Variants in GRM8 observed in about 807,000 individuals in gnomAD.
GRM8 encodes the protein glutamate metabotropic receptor 8, also known as metabotropic glutamate receptor 8.
A neutral mutation model predicts 87.2 loss-of-function variants in GRM8; 47 were observed. The observed-to-expected ratio is 0.54, with a 90% confidence interval of 0.43 to 0.69. The LOEUF is 0.69. GRM8 is among the 30% of genes least tolerant of loss of function. The pLI is 0.00. For missense variants in GRM8, 1,019 were observed against 1,139.2 expected (o/e 0.89, Z 1.52); for synonymous variants, 396 against 404.5 (o/e 0.98, Z 0.25).
At chr7:126,838,520 G>A (rs904204922) in intron 6 of GRM8, among the ~76,000 whole-genome samples, 9 of 152,104 alleles carry the variant, frequency 5.9e-5, no homozygotes, top group African/African-American at 1.9e-4. Flanking sequence ...TTTATCAAGG[G>A]GAAAGTGTTT....
intron 7 of GRM8, among the ~76,000 whole-genome samples, chr7:126,669,510 A>C (rs1472565929): frequency 1.3e-5 from 2 of 152,196 alleles, no homozygotes; most frequent in African/African-American, 2.4e-5. Context: ...CTATTAGTAA[A>C]ATGCAGGTCA....
intron 3 of GRM8, among the ~76,000 whole-genome samples, chr7:126,938,349 T>G (rs1806554831): frequency 6.6e-6 from 1 of 152,160 alleles, no homozygotes; most frequent in Non-Finnish European, 1.5e-5. Flanking sequence ...CTACCCTCCC[T>G]GAAATGCCTT....
chr7:126,885,829 A>ATT (rs1224136346), intron 6 of GRM8, among the ~76,000 whole-genome samples: 4 of 152,190 alleles, frequency 2.6e-5, no homozygotes, highest in Non-Finnish European at 5.9e-5. Flanking sequence ...TTCCTGAAAT[A>ATT]AAAACAGGAA....
intron 9 of GRM8, among the ~76,000 whole-genome samples, chr7:126,475,498 C>A (rs1032038167): frequency 2.6e-5 from 4 of 151,954 alleles, no homozygotes; most frequent in Non-Finnish European, 5.9e-5. Flanking sequence ...AGTCCATGTT[C>A]ATGAATTGGA....
intron 2 of GRM8, among the ~76,000 whole-genome samples, chr7:127,168,582 A>G (rs904069879): frequency 3.9e-5 from 6 of 152,226 alleles, no homozygotes; most frequent in African/African-American, 1.4e-4. Context: ...AGCACTGTTC[A>G]CAATAGCAAA....
intron 3 of GRM8, among the ~76,000 whole-genome samples, chr7:127,016,501 A>T (rs2132170706): frequency 6.6e-6 from 1 of 152,238 alleles, no homozygotes; most frequent in East Asian, 1.9e-4. Context: ...TAATCGTGTT[A>T]CTGCCTCTGT....
At chr7:126,881,847 G>T (rs1193152667) in intron 6 of GRM8, among the ~76,000 whole-genome samples, 1 of 152,178 alleles carries the variant, frequency 6.6e-6, no homozygotes, top group Non-Finnish European at 1.5e-5. Flanking sequence ...TAAATGAATT[G>T]TAACTACTGC....
intron 6 of GRM8, among the ~76,000 whole-genome samples, chr7:126,801,805 G>A (rs1216048010): frequency 6.6e-6 from 1 of 152,000 alleles, no homozygotes; most frequent in Non-Finnish European, 1.5e-5. Flanking sequence ...GGGAAGAGAG[G>A]CCATAGTGGG....
intron 3 of GRM8, among the ~76,000 whole-genome samples, chr7:127,048,620 T>C (rs1819171440): frequency 6.6e-6 from 1 of 152,168 alleles, no homozygotes; most frequent in Non-Finnish European, 1.5e-5. Context: ...ATGCAGAAAG[T>C]AAGATGTGGA....
intron 2 of GRM8, among the ~76,000 whole-genome samples, chr7:127,202,471 C>A (rs1038140583): frequency 1.3e-5 from 2 of 152,248 alleles, no homozygotes; most frequent in South Asian, 4.1e-4. Context: ...AGCCACCTCA[C>A]CCAGACTCTT....
chr7:126,984,819 C>T (rs1344913067), intron 3 of GRM8, among the ~76,000 whole-genome samples: 1 of 152,080 alleles, frequency 6.6e-6, no homozygotes, highest in South Asian at 2.1e-4. Flanking sequence ...AAAAGATAAC[C>T]CTAAAATTGA....
intron 6 of GRM8, among the ~76,000 whole-genome samples, chr7:126,774,530 A>G (rs1389248592): frequency 1.3e-5 from 2 of 152,192 alleles, no homozygotes; most frequent in Admixed American, 6.6e-5. Context: ...TTTCATGGTG[A>G]GAGAGGAAGT....
chr7:127,177,679 G>A (rs1794195408), intron 2 of GRM8, among the ~76,000 whole-genome samples: 1 of 152,178 alleles, frequency 6.6e-6, no homozygotes, highest in African/African-American at 2.4e-5. Flanking sequence ...ACAGGGCTCT[G>A]TGCAGACAAC....
chr7:126,841,766 T>C (rs561734701), intron 6 of GRM8, among the ~76,000 whole-genome samples: 8 of 152,122 alleles, frequency 5.3e-5, no homozygotes, highest in African/African-American at 1.7e-4. Flanking sequence ...TAGCTGAGAC[T>C]ACAGGCGCCC....
chr7:127,202,721 C>T (rs574168281), intron 2 of GRM8, among the ~76,000 whole-genome samples: 7 of 152,070 alleles, frequency 4.6e-5, no homozygotes, highest in African/African-American at 1.4e-4. Flanking sequence ...GACTCAAGTT[C>T]ACATAATTCC....
At chr7:126,522,508 T>C (rs551637699) in intron 9 of GRM8, among the ~76,000 whole-genome samples, 6 of 152,322 alleles carry the variant, frequency 3.9e-5, no homozygotes, top group Admixed American at 3.9e-4. Flanking sequence ...TGTTTTATAG[T>C]AATCATATAA....
chr7:126,871,668 G>C (rs1799109953), intron 6 of GRM8, among the ~76,000 whole-genome samples: 1 of 152,140 alleles, frequency 6.6e-6, no homozygotes, highest in Non-Finnish European at 1.5e-5. Context: ...ATGAACAAAT[G>C]AGTCAATTTT....
intron 3 of GRM8, among the ~76,000 whole-genome samples, chr7:127,045,933 C>A (rs184308036): frequency 3.7e-3 from 557 of 152,250 alleles, no homozygotes; most frequent in Non-Finnish European, 5.7e-3. Flanking sequence ...CACACCACAA[C>A]CAGTTGATAT....
intron 3 of GRM8, among the ~76,000 whole-genome samples, chr7:127,039,646 G>A (rs1818166428): frequency 8.9e-6 from 1 of 112,566 alleles, no homozygotes; most frequent in Non-Finnish European, 1.9e-5. Context: ...AAGGGGAAGG[G>A]GAAGGGCAAG....
Sources: gnomAD v4.1 joint callset for allele counts (sites outside exome capture counted in the v4.1 genomes callset) on GRCh38, gnomAD v4.1.1 for gene constraint, MANE v1.5 for transcripts, NCBI Gene and HGNC (gene_info 2026-07-23, HGNC 2026-07-21) for gene names.